Variants in EHBP1 observed in about 807,000 individuals in gnomAD.
The protein encoded by EHBP1 is EH domain binding protein 1.
Under a neutral mutation model 144.0 loss-of-function variants are expected in EHBP1, and 55 were observed. That is an observed-to-expected ratio of 0.38 (90% confidence interval 0.31 to 0.48). The LOEUF (loss-of-function observed/expected upper bound fraction) is 0.48, where lower values mean the gene tolerates loss of function less well. Among genes scored for constraint, EHBP1 ranks in the 20% least tolerant of loss-of-function variants. The pLI is 0.98. For missense variants in EHBP1, 1,200 were observed against 1,364.2 expected (o/e 0.88, Z 1.90); for synonymous variants, 469 against 472.7 (o/e 0.99, Z 0.10).
At chr2:62,675,453 A>G (rs2033251115) in intron 1 of EHBP1, among the ~76,000 whole-genome samples, 1 of 152,218 alleles carries the variant, frequency 6.6e-6, no homozygotes, top group Non-Finnish European at 1.5e-5. Context: ...ACTGAAGGTG[A>G]CAACCTCCTG....
At chr2:62,915,527 C>A (rs1328449546) in intron 10 of EHBP1, among the ~76,000 whole-genome samples, 2 of 151,570 alleles carry the variant, frequency 1.3e-5, no homozygotes, top group South Asian at 4.2e-4. Context: ...CTATTTGAGC[C>A]CTTTTGGGCA....
At chr2:62,687,408 A>C (rs967176237) in intron 1 of EHBP1, among the ~76,000 whole-genome samples, 4 of 152,258 alleles carry the variant, frequency 2.6e-5, no homozygotes, top group Non-Finnish European at 5.9e-5. Context: ...GAAGTCTTCT[A>C]GTAGTACAAA....
upstream of EHBP1, among the ~76,000 whole-genome samples, chr2:62,705,249 G>A (rs1558519740): frequency 6.6e-6 from 1 of 152,030 alleles, no homozygotes; most frequent in Non-Finnish European, 1.5e-5. Flanking sequence ...GCGGAGATGA[G>A]AACAGGAGAG....
At chr2:62,695,389 G>T (rs764924778) in intron 1 of EHBP1, among the ~76,000 whole-genome samples, 1 of 152,034 alleles carries the variant, frequency 6.6e-6, no homozygotes, top group Non-Finnish European at 1.5e-5. Flanking sequence ...TCAATGAAAG[G>T]TCAATGAAAA....
chr2:62,857,542 C>G (rs2049155504), intron 7 of EHBP1, among the ~76,000 whole-genome samples: 1 of 152,140 alleles, frequency 6.6e-6, no homozygotes, highest in Non-Finnish European at 1.5e-5. Context: ...GTTCTACTTC[C>G]AATCGTTTTA....
chr2:62,732,355 G>A (rs1003942826), intron 2 of EHBP1, among the ~76,000 whole-genome samples: 4 of 151,696 alleles, frequency 2.6e-5, no homozygotes, highest in African/African-American at 7.3e-5. Flanking sequence ...TTTTCTTTTG[G>A]TATTCCCATT....
chr2:63,024,793 T>C (rs2060904373), intron 19 of EHBP1, among the ~76,000 whole-genome samples: 2 of 152,064 alleles, frequency 1.3e-5, no homozygotes, highest in Non-Finnish European at 2.9e-5. Context: ...GGAGGATTGC[T>C]TGAGCCCAGC....
At chr2:62,910,719 C>T (rs2054151971) in intron 10 of EHBP1, among the ~76,000 whole-genome samples, 1 of 152,136 alleles carries the variant, frequency 6.6e-6, no homozygotes, top group Non-Finnish European at 1.5e-5. Context: ...AATCTCATTT[C>T]CTTCACCCTT....
chr2:62,841,256 C>T (rs562294021), intron 7 of EHBP1, among the ~76,000 whole-genome samples: 489 of 148,854 alleles, frequency 3.3e-3, no homozygotes, highest in Non-Finnish European at 6.0e-3. Context: ...AACCAAACAC[C>T]GCATATTCTC....
At chr2:62,783,474 A>G (rs892295852) in intron 5 of EHBP1, among the ~76,000 whole-genome samples, 1 of 152,234 alleles carries the variant, frequency 6.6e-6, no homozygotes, top group Non-Finnish European at 1.5e-5. Context: ...TTCTATCTGG[A>G]CATCCAGGCC....
In EHBP1 at chr2:62,739,243, GAAA is replaced by G. The variant is rs1326619034; in HGVS notation, c.105-8151_105-8149del. Among the ~76,000 whole-genome samples the G allele has an allele frequency of 2.6e-5, 4 of 152,106 alleles. No individual in the cohort carries two copies. In the East Asian group the frequency reaches 7.7e-4, roughly 29 times the overall value. On this transcript the variant is annotated intron_variant, in intron 2 of 22. Transcript: ENST00000431489. ...TCAGTAAATGCTTTTTGAATACCAG[GAAA>G]TCTCTTGAGACCCTTAAGGTCAGAA...
At chr2:62,882,839 G>A (rs1384255730) in intron 10 of EHBP1, among the ~76,000 whole-genome samples, 7 of 151,330 alleles carry the variant, frequency 4.6e-5, no homozygotes, top group African/African-American at 7.3e-5. Flanking sequence ...CCGAGATGGC[G>A]CCATTGCACT....
intron 4 of EHBP1, among the ~76,000 whole-genome samples, chr2:62,769,124 C>G (rs531708096): frequency 1.5e-4 from 23 of 152,204 alleles, no homozygotes; most frequent in African/African-American, 5.5e-4. Flanking sequence ...TTTCTCACCA[C>G]TCCTATTTAA....
chr2:62,844,663 G>A (rs1474681066), intron 7 of EHBP1, among the ~76,000 whole-genome samples: 1 of 152,094 alleles, frequency 6.6e-6, no homozygotes, highest in African/African-American at 2.4e-5. Flanking sequence ...AAAGACCCCT[G>A]TATTGTAAAG....
chr2:62,948,374 G>A lies in EHBP1; in HGVS notation c.1528G>A (p.Ala510Thr). The A allele has an allele frequency of 1.9e-6, 3 of 1,613,892 alleles. No homozygotes were observed. The highest frequency in any genetic ancestry group is 1.7e-6 in the Non-Finnish European group (2 of 1,179,928). Residue 510 changes from alanine (A) to threonine (T), a missense_variant, in exon 13 of 23, where the codon GCA (alanine) becomes ACA (threonine). By Grantham distance (58) the Ala-to-Thr change is moderately conservative. Around this residue, in one of 6 missense-constraint regions of EHBP1, gnomAD observed 94 missense variants for 143.0 expected, o/e 0.66. Coordinates refer to ENST00000431489, the MANE Select transcript of EHBP1 (RefSeq NM_001142616.3). ...TVMTYLYQIR[A>T]HFSGQELNVV... ...TATGACTTATCTCTATCAAATAAGG[G>A]CACATTTCAGTGGCCAAGAACTAAA...
At chr2:62,856,516 A>G (rs535560938) in intron 7 of EHBP1, among the ~76,000 whole-genome samples, 36 of 152,258 alleles carry the variant, frequency 2.4e-4, no homozygotes, top group African/African-American at 8.4e-4. Flanking sequence ...ACTCACTCAC[A>G]CTACCCTCAT....
chr2:63,006,720 A>G (rs2060051741), intron 19 of EHBP1, among the ~76,000 whole-genome samples: 1 of 151,910 alleles, frequency 6.6e-6, no homozygotes, highest in East Asian at 1.9e-4. Flanking sequence ...AATGCTAAAG[A>G]TCATAATAGA....
chr2:62,683,051 G>T (rs1485958107), intron 1 of EHBP1, among the ~76,000 whole-genome samples: 1 of 152,128 alleles, frequency 6.6e-6, no homozygotes, highest in Non-Finnish European at 1.5e-5. Context: ...TCTCAAAATG[G>T]CCTAAGCAAA....
At chr2:62,768,286 A>C (rs1399620273) in intron 4 of EHBP1, among the ~76,000 whole-genome samples, 2 of 152,192 alleles carry the variant, frequency 1.3e-5, no homozygotes, top group African/African-American at 2.4e-5. Flanking sequence ...GACTAATAAG[A>C]AAAGAGAGAA....
Sources: allele counts gnomAD v4.1 joint callset (sites outside exome capture counted in the v4.1 genomes callset), GRCh38; gene constraint gnomAD v4.1.1; regional missense constraint gnomAD v4.1.1; transcripts MANE v1.5; gene names NCBI Gene and HGNC (gene_info 2026-07-23, HGNC 2026-07-21).